Variants in CSMD1 observed in about 807,000 individuals in gnomAD.
CSMD1 encodes CUB and Sushi multiple domains 1.
CSMD1 carries 213 observed loss-of-function variants against 417.5 expected under a neutral mutation model. The ratio of observed to expected loss-of-function variants is 0.51; its 90% confidence interval spans 0.46 to 0.57. The LOEUF is 0.57. CSMD1 is among the 20% of genes least tolerant of loss of function. The pLI is 0.00. For synonymous variants in CSMD1, 2,862 were observed against 1,736.8 expected, an observed-to-expected ratio of 1.65 and a Z score of -16.11; for missense variants, 6,923 against 4,529.7, an observed-to-expected ratio of 1.53 and a Z score of -15.17.
At chr8:4,937,290 G>A (rs757299399) in intron 1 of CSMD1, among the ~76,000 whole-genome samples, 5 of 152,066 alleles carry the variant, frequency 3.3e-5, no homozygotes, top group Non-Finnish European at 7.4e-5. Context: ...TTCACTGGGG[G>A]ATACCATATT....
rs529540099 is a variant in CSMD1, at chr8:3,252,082, G to C, written c.4154-21851C>G. Among the ~76,000 whole-genome samples the C allele has an allele frequency of 3.3e-5, 5 of 152,342 alleles. No individual in the cohort carries two copies. The South Asian group carries it at 8.3e-4, about 25-fold the overall frequency. ...TCCTTCTGCCTGATTGCCCTGGCCA[G>C]AACTTCCAACACTATGTTGAATAGT... On this transcript the variant is annotated intron_variant, in intron 26 of 69. Coordinates refer to ENST00000635120, the MANE Select transcript of CSMD1 (RefSeq NM_033225.6).
intron 3 of CSMD1, among the ~76,000 whole-genome samples, chr8:4,406,222 A>C (rs2128931681): frequency 6.6e-6 from 1 of 152,242 alleles, no homozygotes; most frequent in Admixed American, 6.5e-5. Context: ...ATGTGCTCCA[A>C]AGTCCCCCCA....
intron 5 of CSMD1, among the ~76,000 whole-genome samples, chr8:3,871,740 C>T (rs1406417501): frequency 2.0e-5 from 3 of 152,118 alleles, no homozygotes; most frequent in Admixed American, 1.3e-4. Context: ...ACCCTTCTAA[C>T]ATTTGAGAAT....
intron 1 of CSMD1, among the ~76,000 whole-genome samples, chr8:4,692,213 A>T (rs559607843): frequency 6.6e-6 from 1 of 152,178 alleles, no homozygotes; most frequent in South Asian, 2.1e-4. Context: ...ATGGCTACTT[A>T]CCGACCTCAC....
chr8:3,100,977 C>T (rs1435855389), intron 46 of CSMD1, among the ~76,000 whole-genome samples: 1 of 151,706 alleles, frequency 6.6e-6, no homozygotes, highest in Non-Finnish European at 1.5e-5. Context: ...GTTTTTATGT[C>T]GCCTCCATCT....
chr8:3,997,425 G>A (rs893387904), intron 5 of CSMD1, among the ~76,000 whole-genome samples: 1 of 152,116 alleles, frequency 6.6e-6, no homozygotes, highest in Non-Finnish European at 1.5e-5. Flanking sequence ...TTGCCTTTGA[G>A]GATCTTGTAG....
intron 5 of CSMD1, among the ~76,000 whole-genome samples, chr8:3,997,389 T>C (rs1328665428): frequency 2.0e-5 from 3 of 151,682 alleles, no homozygotes; most frequent in Non-Finnish European, 4.4e-5. Flanking sequence ...ATACATATAG[T>C]GGACTAAGAT....
intron 2 of CSMD1, among the ~76,000 whole-genome samples, chr8:4,620,820 AT>A (rs1801736808): frequency 6.6e-6 from 1 of 151,930 alleles, no homozygotes; most frequent in African/African-American, 2.4e-5. Context: ...GTGACTTTAT[AT>A]TCCACTTAAC....
At chr8:4,944,990 G>A (rs184769901) in intron 1 of CSMD1, among the ~76,000 whole-genome samples, 50 of 152,288 alleles carry the variant, frequency 3.3e-4, no homozygotes, top group Admixed American at 7.8e-4. Context: ...CAGACGAGAG[G>A]TGGAACCAAC....
chr8:4,773,757 TC>T (rs1397495344), intron 1 of CSMD1, among the ~76,000 whole-genome samples: 4 of 152,186 alleles, frequency 2.6e-5, no homozygotes, highest in Admixed American at 6.5e-5. Flanking sequence ...ACTGATATAA[TC>T]ATATTAAGGA....
At chr8:4,413,684 C>A (rs377412475) in intron 3 of CSMD1, among the ~76,000 whole-genome samples, 1 of 152,026 alleles carries the variant, frequency 6.6e-6, no homozygotes, top group East Asian at 1.9e-4. Flanking sequence ...AAGAACTTAC[C>A]CAGTGAGTAT....
At chr8:3,029,998 T>C (rs555721480) in intron 50 of CSMD1, among the ~76,000 whole-genome samples, 32 of 152,182 alleles carry the variant, frequency 2.1e-4, no homozygotes, top group African/African-American at 7.0e-4. Context: ...CTATATATCA[T>C]TGAATGTAGA....
At chr8:3,944,015 T>C (rs977310591) in intron 5 of CSMD1, among the ~76,000 whole-genome samples, 1 of 152,136 alleles carries the variant, frequency 6.6e-6, no homozygotes, top group East Asian at 1.9e-4. Flanking sequence ...TTGACTTTAA[T>C]AGTTATACTG....
chr8:4,343,164 G>C (rs1456418625), intron 3 of CSMD1, among the ~76,000 whole-genome samples: 2 of 152,018 alleles, frequency 1.3e-5, no homozygotes, highest in Non-Finnish European at 2.9e-5. Flanking sequence ...CAATGTATTT[G>C]GTAAAATACA....
At chr8:3,584,358 G>C (rs926608843) in intron 9 of CSMD1, among the ~76,000 whole-genome samples, 1 of 152,124 alleles carries the variant, frequency 6.6e-6, no homozygotes, top group Non-Finnish European at 1.5e-5. Flanking sequence ...TGCGAAAAAA[G>C]TGTTCTCTTC....
chr8:4,667,428 G>C (rs991053222), intron 1 of CSMD1, among the ~76,000 whole-genome samples: 4 of 150,226 alleles, frequency 2.7e-5, no homozygotes, highest in Admixed American at 1.3e-4. Flanking sequence ...ATTGAATCCA[G>C]AGAACAATTT....
At chr8:4,768,078 C>T (rs1188772393) in intron 1 of CSMD1, among the ~76,000 whole-genome samples, 1 of 152,124 alleles carries the variant, frequency 6.6e-6, no homozygotes, top group Non-Finnish European at 1.5e-5. Context: ...TGCATAGGAC[C>T]TTCCACCCAG....
At chr8:4,432,148 T>C (rs1402451173) in intron 2 of CSMD1, among the ~76,000 whole-genome samples, 1 of 152,184 alleles carries the variant, frequency 6.6e-6, no homozygotes, top group Non-Finnish European at 1.5e-5. Context: ...AAAGCATGCA[T>C]GGATTATAAA....
intron 5 of CSMD1, among the ~76,000 whole-genome samples, chr8:3,913,746 G>C (rs184980848): frequency 6.6e-6 from 1 of 152,130 alleles, no homozygotes; most frequent in African/African-American, 2.4e-5. Context: ...AGGAATGTGG[G>C]TCACAGGATG....
Sources: gnomAD v4.1 joint callset for allele counts (sites outside exome capture counted in the v4.1 genomes callset) on GRCh38, gnomAD v4.1.1 for gene constraint, MANE v1.5 for transcripts, NCBI Gene and HGNC (gene_info 2026-07-23, HGNC 2026-07-21) for gene names.